CMYA5: variants seen among roughly 807,000 people sequenced by gnomAD.
CMYA5 encodes cardiomyopathy-associated protein 5.
CMYA5 carries 246 observed loss-of-function variants against 318.9 expected under a neutral mutation model. That is an observed-to-expected ratio of 0.77 (90% CI 0.70 to 0.86). The LOEUF is 0.86. CMYA5 is among the 40% of genes least tolerant of loss of function. CMYA5 has a pLI of 0.00. For synonymous variants in CMYA5, 1,641 were observed against 1,729.5 expected (o/e 0.95, Z 1.27); for missense variants, 4,589 against 4,678.2 (o/e 0.98, Z 0.56).
intron 1 of CMYA5, among the ~76,000 whole-genome samples, chr5:79,725,955 G>T (rs190706772): frequency 2.0e-5 from 3 of 152,268 alleles, no homozygotes; most frequent in African/African-American, 7.2e-5. Flanking sequence ...AGAATGTTTG[G>T]TTGTCTCTCC....
chr5:79,744,730 A>G (rs1408994376), intron 3 of CMYA5, among the ~76,000 whole-genome samples: 1 of 152,214 alleles, frequency 6.6e-6, no homozygotes, highest in Non-Finnish European at 1.5e-5. Context: ...ATAGCCAGGC[A>G]TCTGGATGTG....
chr5:79,702,240 A>C (rs1370594436), intron 1 of CMYA5, among the ~76,000 whole-genome samples: 1 of 152,148 alleles, frequency 6.6e-6, no homozygotes. Flanking sequence ...TTACAAAAAA[A>C]TTTAAAAATT....
At chr5:79,690,647 G>C (rs757414315) in intron 1 of CMYA5, among the ~76,000 whole-genome samples, 3 of 152,118 alleles carry the variant, frequency 2.0e-5, no homozygotes, top group Non-Finnish European at 4.4e-5. Flanking sequence ...TACAAAAGAT[G>C]CACCTCCCAC....
chr5:79,735,293 A>T lies in CMYA5; in HGVS notation c.6528A>T (p.Ser2176=), dbSNP rs751376157. 6.2e-6 allele frequency: 10 copies of T among 1,613,766 alleles called. No homozygotes were observed. In the East Asian group the frequency reaches 2.0e-4, roughly 32 times the overall value. The change falls in exon 2 of 13, where the codon TCA becomes TCT. Residue 2176 remains serine, a synonymous_variant. Transcript: ENST00000446378. The part of the protein sequence containing the change: ...LPEEKGKKGI[S]SFKSWMSSLF... ...AGGAAAAGGGAAAGAAAGGAATTTC[A>T]TCTTTCAAATCGTGGATGTCCAGCT...
At chr5:79,751,606 T>A (rs2151092182) in intron 5 of CMYA5, among the ~76,000 whole-genome samples, 1 of 152,320 alleles carries the variant, frequency 6.6e-6, no homozygotes, top group African/African-American at 2.4e-5. Flanking sequence ...GAGATCCTGA[T>A]ATCCACACCC....
chr5:79,785,653 G>T (rs1427795025), intron 9 of CMYA5, among the ~76,000 whole-genome samples: 5 of 151,856 alleles, frequency 3.3e-5, no homozygotes, highest in Non-Finnish European at 1.5e-5. Context: ...CTCTTATTAT[G>T]TAAGAGTTTT....
At chr5:79,744,611 G>A (rs953284851) in intron 3 of CMYA5, among the ~76,000 whole-genome samples, 6 of 152,224 alleles carry the variant, frequency 3.9e-5, no homozygotes, top group African/African-American at 1.4e-4. Context: ...CTTAATTCAT[G>A]TTGTGGATCA....
chr5:79,757,068 G>A (rs984337607), intron 6 of CMYA5, among the ~76,000 whole-genome samples: 6 of 151,734 alleles, frequency 4.0e-5, no homozygotes, highest in Non-Finnish European at 5.9e-5. Flanking sequence ...GGTAGTGGGC[G>A]CCTGTAATCC....
At chr5:79,778,282 G>C (rs2151098484) in intron 9 of CMYA5, among the ~76,000 whole-genome samples, 1 of 152,276 alleles carries the variant, frequency 6.6e-6, no homozygotes, top group Non-Finnish European at 1.5e-5. Flanking sequence ...ATTATTAGAA[G>C]TGGAATAACT....
intron 1 of CMYA5, among the ~76,000 whole-genome samples, chr5:79,713,184 A>AT (rs997623758): frequency 1.3e-5 from 2 of 152,040 alleles, no homozygotes; most frequent in Non-Finnish European, 2.9e-5. Context: ...ATCTGAAGAC[A>AT]TTTTTTATTG....
At chr5:79,785,333 CCTGA>C (rs1023601367) in intron 9 of CMYA5, among the ~76,000 whole-genome samples, 13 of 151,938 alleles carry the variant, frequency 8.6e-5, no homozygotes, top group East Asian at 1.9e-4. Flanking sequence ...TCAGCCTGCT[CCTGA>C]CTATTTGTTA....
chr5:79,736,256 A>T lies in CMYA5; in HGVS notation c.7491A>T (p.Thr2497=), dbSNP rs1828063921. 6.2e-7 allele frequency: 1 copy of T among 1,613,332 alleles called. No homozygotes were observed. Among genetic ancestry groups the T allele is most frequent in the East Asian group, 2.2e-5 (1 of 44,874 alleles). The change falls in exon 2 of 13, where the codon ACA becomes ACT. Residue 2497 remains threonine (T), a synonymous_variant. Coordinates refer to ENST00000446378, the MANE Select transcript of CMYA5 (RefSeq NM_153610.5). ...DSNEIGKTQI[T]LGSRSTELKE... is the part of the protein sequence containing the mutation. ...ATGAAATAGGGAAGACACAAATTACACTTGGATCTAGATCTACTGAACTGA... is the reference window on the plus strand; with the variant it reads ...ATGAAATAGGGAAGACACAAATTACTCTTGGATCTAGATCTACTGAACTGA...
chr5:79,728,038 G>A (rs1827783411), intron 1 of CMYA5, among the ~76,000 whole-genome samples: 1 of 152,316 alleles, frequency 6.6e-6, no homozygotes. Context: ...CATTTCGCAT[G>A]AGTTAACTAA....
rs1183715160 is a variant in CMYA5 at position 79,730,578 on chromosome 5, A to C, written c.1813A>C (p.Asn605His). Residue 605 changes from asparagine to histidine, a missense_variant, in exon 2 of 13, where the codon AAC becomes CAC. Asn to His is a moderately conservative substitution (Grantham distance 68, BLOSUM62 1). This residue lies in a region of CMYA5 where 2,132 missense variants were observed against 2,131.3 expected (regional missense o/e 1.00). Transcript: ENST00000446378. The part of the protein sequence containing the change: ...VSEYSVPQDL[N>H]HELQEQEGEP... ...AGAGTATTCAGTACCACAGGATTTG[A>C]ACCATGAATTACAGGAGCAAGAAGG... 1 of 1,614,034 alleles carries C rather than the reference A, an allele frequency of 6.2e-7. No homozygotes were observed. Among genetic ancestry groups the C allele is most frequent in the Non-Finnish European group, 8.5e-7 (1 of 1,179,888 alleles).
intron 5 of CMYA5, among the ~76,000 whole-genome samples, chr5:79,750,093 T>A (rs948645485): frequency 3.9e-5 from 6 of 152,182 alleles, no homozygotes; most frequent in African/African-American, 1.4e-4. Flanking sequence ...GCACTAGTGA[T>A]CCTGGATGTG....
intron 1 of CMYA5, among the ~76,000 whole-genome samples, chr5:79,720,122 A>G (rs1167226765): frequency 6.6e-6 from 1 of 152,176 alleles, no homozygotes; most frequent in African/African-American, 2.4e-5. Flanking sequence ...CAGAAGCAAT[A>G]TTTGAACAGA....
Position 79,731,352 on chromosome 5 carries a change from A to C in CMYA5, c.2587A>C (p.Met863Leu). ...CTCTTTCCCACCACACACAACCGAG[A>C]TGACTTCTGAATGCCAGGCCCCACC... Reference protein sequence around the residue: ...EHSFPPHTTEMTSECQAPPLS... With the variant: ...EHSFPPHTTELTSECQAPPLS... The change falls in exon 2 of 13, where the codon ATG becomes CTG. Residue 863 changes from methionine (M) to leucine (L), a missense_variant. Coordinates refer to ENST00000446378, the MANE Select transcript of CMYA5 (RefSeq NM_153610.5). The C allele has an allele frequency of 6.2e-7, 1 of 1,613,906 alleles. No homozygotes were observed.
In CMYA5 at chr5:79,736,059, G is replaced by A; in HGVS notation, c.7294G>A (p.Glu2432Lys). The A allele has an allele frequency of 1.2e-6, 2 of 1,612,074 alleles. No homozygotes were observed. Among genetic ancestry groups the A allele is most frequent in the Non-Finnish European group, 1.7e-6 (2 of 1,179,406 alleles). The change falls in exon 2 of 13, where the codon GAA (glutamate) becomes AAA (lysine). Residue 2432 changes from glutamate to lysine, a missense_variant. Coordinates refer to ENST00000446378, the MANE Select transcript of CMYA5 (RefSeq NM_153610.5). ...TTTCAGTGAAGACAGACTCAAGAAAGAAATGCAAAATCCTACTTCCTTGAA... is the reference window on the plus strand; with the variant it reads ...TTTCAGTGAAGACAGACTCAAGAAAAAAATGCAAAATCCTACTTCCTTGAA... ...IDFSEDRLKK[E>K]MQNPTSLKIS...
intron 1 of CMYA5, among the ~76,000 whole-genome samples, chr5:79,693,853 CAT>C (rs1442215466): frequency 2.6e-5 from 4 of 152,144 alleles, no homozygotes; most frequent in Non-Finnish European, 2.9e-5. Context: ...ACAAATAAAA[CAT>C]ATAGTATGTC....
Sources: gnomAD v4.1 joint callset for allele counts (sites outside exome capture counted in the v4.1 genomes callset) on GRCh38, gnomAD v4.1.1 for gene constraint, gnomAD v4.1.1 regional missense constraint, MANE v1.5 for transcripts, NCBI Gene and HGNC (gene_info 2026-07-23, HGNC 2026-07-21) for gene names.